CAMTA1: variants seen among roughly 807,000 people sequenced by gnomAD.
The protein encoded by CAMTA1 is calmodulin-binding transcription activator 1.
Under a neutral mutation model 170.9 loss-of-function variants are expected in CAMTA1, and 27 were observed. The observed-to-expected ratio is 0.16, with a 90% CI of 0.12 to 0.22. The LOEUF is 0.22. Ranked by LOEUF, CAMTA1 falls within the 10% of genes least tolerant of loss-of-function variation. The pLI is 1.00. For missense variants in CAMTA1, 1,619 were observed against 2,217.2 expected, an observed-to-expected ratio of 0.73 and a Z score of 5.42; for synonymous variants, 833 against 891.5, an observed-to-expected ratio of 0.93 and a Z score of 1.17.
rs2094954380 is a variant in CAMTA1, at chr1:7,561,357, G to A, written c.511-79043G>A. ...GGGGTGATGGAGGGACAGAGGGACAGGCAGAGAGGCCGGCGGGCAGCAGGC... is the reference window on the plus strand; with the variant it reads ...GGGGTGATGGAGGGACAGAGGGACAAGCAGAGAGGCCGGCGGGCAGCAGGC... On this transcript the variant is annotated intron_variant, in intron 6 of 22. Coordinates refer to ENST00000303635, the MANE Select transcript of CAMTA1 (RefSeq NM_015215.4). The surrounding 1 kb of genome is among the most constrained non-coding windows in gnomAD (Gnocchi z 5.3). Among the ~76,000 whole-genome samples the A allele has an allele frequency of 6.6e-6, 1 of 151,900 alleles. No individual in the cohort carries two copies. The highest frequency in any genetic ancestry group is 2.4e-5 in the African/African-American group (1 of 41,370).
intron 22 of CAMTA1, among the ~76,000 whole-genome samples, chr1:7,760,837 C>T (rs1332618599): frequency 2.6e-5 from 4 of 152,196 alleles, no homozygotes; most frequent in Non-Finnish European, 5.9e-5. Flanking sequence ...TCCAGCATTG[C>T]GAGAATATTC....
intron 3 of CAMTA1, among the ~76,000 whole-genome samples, chr1:7,084,646 T>C (rs1022831326): frequency 6.6e-6 from 1 of 152,194 alleles, no homozygotes; most frequent in African/African-American, 2.4e-5. Context: ...TTCCTTCACA[T>C]GTGGGACGCG....
At chr1:7,098,722 C>T (rs1478489675) in intron 4 of CAMTA1, among the ~76,000 whole-genome samples, 2 of 152,204 alleles carry the variant, frequency 1.3e-5, no homozygotes, top group Non-Finnish European at 2.9e-5. Context: ...CCCTCCGTGT[C>T]TAGGAAGTTG....
intron 3 of CAMTA1, among the ~76,000 whole-genome samples, chr1:6,904,558 T>C (rs1327141162): frequency 1.3e-5 from 2 of 150,604 alleles, no homozygotes; most frequent in East Asian, 3.9e-4. Context: ...CTTTCTTTTT[T>C]TTTTTTTAAT....
chr1:7,057,499 G>A (rs956960255), intron 3 of CAMTA1, among the ~76,000 whole-genome samples: 11 of 152,206 alleles, frequency 7.2e-5, no homozygotes, highest in Admixed American at 6.5e-5. Flanking sequence ...GTCTGTTGCG[G>A]CTGCATTCCA....
chr1:7,151,052 C>A (rs192564872), intron 4 of CAMTA1, among the ~76,000 whole-genome samples: 1 of 152,192 alleles, frequency 6.6e-6, no homozygotes, highest in Non-Finnish European at 1.5e-5. Flanking sequence ...GGGGGGAGCA[C>A]CCGTTGAAAC....
intron 6 of CAMTA1, among the ~76,000 whole-genome samples, chr1:7,632,077 C>T (rs1346962373): frequency 6.6e-6 from 1 of 152,234 alleles, no homozygotes; most frequent in Admixed American, 6.5e-5. Flanking sequence ...CTGCCCTTCT[C>T]CCTCCCAGCC....
At chr1:7,717,201 A>C (rs1047603139) in intron 11 of CAMTA1, among the ~76,000 whole-genome samples, 1 of 152,158 alleles carries the variant, frequency 6.6e-6, no homozygotes, top group African/African-American at 2.4e-5. Flanking sequence ...GTTATTGTAC[A>C]GCCTGGTGAC....
chr1:7,409,245 G>A (rs1365816477), intron 5 of CAMTA1, among the ~76,000 whole-genome samples: 1 of 152,224 alleles, frequency 6.6e-6, no homozygotes, highest in Non-Finnish European at 1.5e-5. Flanking sequence ...AGCGGACCAA[G>A]AGGGGGATGG....
At chr1:7,418,117 T>TC (rs35997377) in intron 5 of CAMTA1, among the ~76,000 whole-genome samples, 139,124 of 152,020 alleles carry the variant, frequency 0.92, 63,740 homozygotes, top group East Asian at 0.99. Flanking sequence ...CCCCTTGGTT[T>TC]CTCTATTTCA....
At chr1:7,731,494 C>T (rs2096732757) in intron 11 of CAMTA1, among the ~76,000 whole-genome samples, 1 of 151,778 alleles carries the variant, frequency 6.6e-6, no homozygotes, top group Admixed American at 6.6e-5. Flanking sequence ...ATCACTTTAA[C>T]CCGGGAGGCA....
intron 11 of CAMTA1, among the ~76,000 whole-genome samples, chr1:7,721,542 G>A (rs1174043807): frequency 6.6e-6 from 1 of 152,080 alleles, no homozygotes; most frequent in Non-Finnish European, 1.5e-5. Flanking sequence ...GTTGGCCTCG[G>A]CAGAGGCCCA....
At chr1:7,080,745 G>A (rs778684683) in intron 3 of CAMTA1, among the ~76,000 whole-genome samples, 36 of 152,182 alleles carry the variant, frequency 2.4e-4, no homozygotes, top group Non-Finnish European at 5.0e-4. Flanking sequence ...ATGTTGGCCA[G>A]GCTGGTGGAT....
At chr1:6,989,602 T>C (rs1695980149) in intron 3 of CAMTA1, among the ~76,000 whole-genome samples, 1 of 152,198 alleles carries the variant, frequency 6.6e-6, no homozygotes, top group Non-Finnish European at 1.5e-5. Flanking sequence ...TGCTCCTAAG[T>C]GAGGCAGTAA....
intron 5 of CAMTA1, among the ~76,000 whole-genome samples, chr1:7,408,431 C>A (rs1332626727): frequency 6.6e-6 from 1 of 152,256 alleles, no homozygotes; most frequent in African/African-American, 2.4e-5. Context: ...CCATGCCTCG[C>A]CTCGCTCCTG....
rs901338984 is a variant in CAMTA1 at position 6,997,276 on chromosome 1, T to C, written c.235-94028T>C. On this transcript the variant is annotated intron_variant, in intron 3 of 22. Transcript: ENST00000303635. ...GTTTTTTGCTTTGTGTGTGTGTGTG[T>C]GCGAGCCATCAGTTTGTGAGGGGAT... Among the ~76,000 whole-genome samples the C allele has an allele frequency of 3.3e-5, 5 of 152,138 alleles. No homozygotes were observed. The East Asian group carries it at 5.8e-4, about 18-fold the overall frequency.
intron 4 of CAMTA1, among the ~76,000 whole-genome samples, chr1:7,193,810 C>T (rs897762667): frequency 2.0e-5 from 3 of 152,142 alleles, no homozygotes; most frequent in East Asian, 1.9e-4. Context: ...ACTTCTCCTC[C>T]GAGTGCTCCT....
In CAMTA1 at chr1:7,332,841, A is replaced by T. The variant is rs1373333867; in HGVS notation, c.438+83215A>T. 2.0e-5 allele frequency among the ~76,000 whole-genome samples: 3 copies of T among 152,308 alleles called. No individual in the cohort carries two copies. In the East Asian group the frequency reaches 5.8e-4, roughly 29 times the overall value. On this transcript the variant is annotated intron_variant, in intron 5 of 22. Transcript: ENST00000303635. ...CACCCGCAGATACACACACACACAC[A>T]CAATACCCATTACTAGGCTTGCAAC...
intron 5 of CAMTA1, among the ~76,000 whole-genome samples, chr1:7,323,160 C>T (rs181203754): frequency 1.6e-4 from 25 of 152,070 alleles, no homozygotes; most frequent in African/African-American, 6.0e-4. Flanking sequence ...CTTTTTTCCT[C>T]AAAGTACTAC....
Sources: allele counts gnomAD v4.1 joint callset (sites outside exome capture counted in the v4.1 genomes callset), GRCh38; gene constraint gnomAD v4.1.1; non-coding constraint Gnocchi (gnomAD v3.1); transcripts MANE v1.5; gene names NCBI Gene and HGNC (gene_info 2026-07-23, HGNC 2026-07-21).